MCPH1: variants seen among roughly 807,000 people sequenced by gnomAD.
The protein encoded by MCPH1 is microcephalin.
MCPH1 carries 104 observed loss-of-function variants against 84.5 expected under a neutral mutation model. The ratio of observed to expected loss-of-function variants is 1.23; its 90% CI spans 1.05 to 1.45. The LOEUF is 1.45. Ranked by LOEUF, MCPH1 falls within the 40% of genes most tolerant of loss-of-function variation. The probability of loss-of-function intolerance (pLI) is 0.00; values close to 1 mark genes in which losing one functional copy is unlikely to be tolerated. For synonymous variants in MCPH1, 514 were observed against 366.8 expected (o/e 1.40, Z -4.58); for missense variants, 1,498 against 1,005.7 (o/e 1.49, Z -6.62).
intron 12 of MCPH1, among the ~76,000 whole-genome samples, chr8:6,613,600 G>C (rs186067689): frequency 6.6e-6 from 1 of 152,008 alleles, no homozygotes; most frequent in African/African-American, 2.4e-5. Context: ...GCAGTTCCCC[G>C]GGGAGACAGG....
At chr8:6,564,724 A>G (rs540568258) in intron 12 of MCPH1, among the ~76,000 whole-genome samples, 2 of 152,336 alleles carry the variant, frequency 1.3e-5, no homozygotes, top group East Asian at 1.9e-4. Context: ...TCCCTTATCA[A>G]TGAATAGTTA....
intron 12 of MCPH1, among the ~76,000 whole-genome samples, chr8:6,525,269 A>C (rs768574544): frequency 1.3e-5 from 2 of 152,108 alleles, no homozygotes; most frequent in Non-Finnish European, 2.9e-5. Flanking sequence ...ATTAGTATGT[A>C]ATTTTGGAGA....
Position 6,438,566 on chromosome 8 carries a change from A to G in MCPH1, c.437-387A>G, listed in dbSNP as rs550902939. 5.3e-5 allele frequency among the ~76,000 whole-genome samples: 8 copies of G among 152,294 alleles called. No individual in the cohort carries two copies. The South Asian group carries it at 1.5e-3, about 28-fold the overall frequency. ...TGTTTGAGGGTAGGAGTGATGGTTC[A>G]TGGGGGCAGTTTCTGAAACCTGAGA... On this transcript the variant is annotated intron_variant, in intron 5 of 13. Coordinates refer to ENST00000344683, the MANE Select transcript of MCPH1 (RefSeq NM_024596.5).
intron 12 of MCPH1, among the ~76,000 whole-genome samples, chr8:6,617,617 ATG>A (rs752045579): frequency 2.0e-5 from 3 of 150,988 alleles, no homozygotes; most frequent in East Asian, 1.9e-4. Context: ...GGGTGTGTGC[ATG>A]TGTGTGTGTG....
intron 6 of MCPH1, 133 bp downstream of exon 6, chr8:6,439,229 C>A: frequency 1.1e-6 from 1 of 908,654 alleles, no homozygotes; most frequent in Admixed American, 2.5e-5. Context: ...TCATGGCTGG[C>A]TTTGTTTTCC....
intron 13 of MCPH1, among the ~76,000 whole-genome samples, chr8:6,632,837 A>T (rs1370386701): frequency 6.6e-6 from 1 of 152,090 alleles, no homozygotes; most frequent in Admixed American, 6.6e-5. Flanking sequence ...AAAACTCAGA[A>T]ATAAGATATT....
At chr8:6,625,005 A>G (rs543397001) in intron 13 of MCPH1, 13 of 517,350 alleles carry the variant, frequency 2.5e-5, no homozygotes, top group African/African-American at 2.5e-4. Context: ...CCTTCCCAGT[A>G]GCTGGAATTA....
intron 8 of MCPH1, among the ~76,000 whole-genome samples, chr8:6,450,004 CCTAT>C (rs5889170): frequency 0.95 from 145,154 of 152,042 alleles, 69,656 homozygotes; most frequent in East Asian, 1. Context: ...AAAAGTCCTT[CCTAT>C]CTATACCCCA....
chr8:6,620,642 A>G (rs1019385501), intron 12 of MCPH1, among the ~76,000 whole-genome samples: 1 of 152,202 alleles, frequency 6.6e-6, no homozygotes, highest in Non-Finnish European at 1.5e-5. Context: ...CAGGGAAAAT[A>G]CGCAAAACAA....
At chr8:6,527,911 T>C (rs1818665041) in intron 12 of MCPH1, among the ~76,000 whole-genome samples, 1 of 151,536 alleles carries the variant, frequency 6.6e-6, no homozygotes. Context: ...TTTTTTTTTT[T>C]TTGAGATGGA....
intron 12 of MCPH1, among the ~76,000 whole-genome samples, chr8:6,515,535 T>G (rs2959791): frequency 0.35 from 53,021 of 152,096 alleles, 9,458 homozygotes; most frequent in Middle Eastern, 0.48. Context: ...TTAAACTTTG[T>G]CCAGAACACA....
At chr8:6,542,894 C>G (rs1165441105) in intron 12 of MCPH1, among the ~76,000 whole-genome samples, 1 of 152,178 alleles carries the variant, frequency 6.6e-6, no homozygotes, top group African/African-American at 2.4e-5. Flanking sequence ...AGATGATTTT[C>G]TAAATTTAGA....
chr8:6,609,048 C>G (rs1429636104), intron 12 of MCPH1, among the ~76,000 whole-genome samples: 1 of 152,294 alleles, frequency 6.6e-6, no homozygotes, highest in South Asian at 2.1e-4. Flanking sequence ...GCCTAAAACC[C>G]CAACTTTCAA....
chr8:6,564,013 G>C (rs571015696), intron 12 of MCPH1, among the ~76,000 whole-genome samples: 6 of 127,032 alleles, frequency 4.7e-5, no homozygotes, highest in Admixed American at 2.0e-4. Flanking sequence ...ACGGAGTCTC[G>C]CTCTGTCGAC....
At chr8:6,527,841 A>C (rs1818635267) in intron 12 of MCPH1, among the ~76,000 whole-genome samples, 1 of 151,700 alleles carries the variant, frequency 6.6e-6, no homozygotes, top group South Asian at 2.1e-4. Flanking sequence ...GAAAAGGCTC[A>C]ATGTCTTAGA....
chr8:6,585,938 T>C (rs568409758), intron 12 of MCPH1, among the ~76,000 whole-genome samples: 5 of 152,330 alleles, frequency 3.3e-5, no homozygotes, highest in Middle Eastern at 3.4e-3. Context: ...CAGAAGTTTT[T>C]CTGAAAGCAA....
At chr8:6,431,215 C>G (rs1313655790) in intron 3 of MCPH1, among the ~76,000 whole-genome samples, 1 of 152,140 alleles carries the variant, frequency 6.6e-6, no homozygotes, top group African/African-American at 2.4e-5. Flanking sequence ...GTACCATGCA[C>G]TAATAATTTT....
intron 13 of MCPH1, among the ~76,000 whole-genome samples, chr8:6,630,197 A>G (rs1797052601): frequency 6.6e-6 from 1 of 152,248 alleles, no homozygotes; most frequent in Non-Finnish European, 1.5e-5. Flanking sequence ...AGCAATAGCA[A>G]AAAACTGACT....
At chr8:6,640,680 A>G (rs751473626) in intron 13 of MCPH1, among the ~76,000 whole-genome samples, 48 of 152,142 alleles carry the variant, frequency 3.2e-4, no homozygotes, top group Non-Finnish European at 5.9e-4. Flanking sequence ...TTTAACTATT[A>G]TTTTTTACAA....
Sources: allele counts gnomAD v4.1 joint callset (sites outside exome capture counted in the v4.1 genomes callset), GRCh38; gene constraint gnomAD v4.1.1; transcripts MANE v1.5; gene names NCBI Gene and HGNC (gene_info 2026-07-23, HGNC 2026-07-21).